The following NXN variants were observed in gnomAD, a reference collection of about 807,000 sequenced individuals.
NXN encodes nucleoredoxin 1.
NXN carries 16 observed loss-of-function variants against 48.6 expected under a neutral mutation model. That is an observed-to-expected ratio of 0.33 (90% CI 0.22 to 0.50). The LOEUF is 0.50. Ranked by LOEUF, NXN falls within the 20% of genes least tolerant of loss-of-function variation. The pLI is 0.98. For synonymous variants in NXN, 281 were observed against 269.6 expected (o/e 1.04, Z -0.41); for missense variants, 492 against 605.5 (o/e 0.81, Z 1.97).
rs114066150 is a variant in NXN, at chr17:835,530, T to C, written c.361-9452A>G. ...TGCTCCGCCTGGCAGTGGGTTCTGC[T>C]GAAAGACTCCAAGGCTGTGGTTGGA... On this transcript the variant is annotated intron_variant, in intron 1 of 7. Coordinates refer to ENST00000336868, the MANE Select transcript of NXN (RefSeq NM_022463.5). 8.7e-3 allele frequency among the ~76,000 whole-genome samples: 1,324 copies of C among 152,240 alleles called. 25 individuals are homozygous for C. Among genetic ancestry groups the C allele is most frequent in the African/African-American group, 0.031 (1,271 of 41,538 alleles).
At chr17:877,716 G>A (rs578079910) in intron 1 of NXN, among the ~76,000 whole-genome samples, 2 of 152,282 alleles carry the variant, frequency 1.3e-5, no homozygotes, top group East Asian at 1.9e-4. Context: ...CAAAATACTC[G>A]TTATTTTTAC....
At chr17:841,940 C>T (rs934274731) in intron 1 of NXN, among the ~76,000 whole-genome samples, 14 of 152,124 alleles carry the variant, frequency 9.2e-5, no homozygotes, top group Non-Finnish European at 1.8e-4. Context: ...AGTTGGAGGC[C>T]AGCCTGGTCA....
At chr17:954,063 G>A (rs553988990) in intron 1 of NXN, among the ~76,000 whole-genome samples, 4 of 152,310 alleles carry the variant, frequency 2.6e-5, no homozygotes, top group South Asian at 4.1e-4. Context: ...GATGATTCTT[G>A]AATAACTGGC....
intron 1 of NXN, chr17:959,266 C>G (rs1039733203): frequency 7.6e-6 from 4 of 523,054 alleles, no homozygotes; most frequent in Middle Eastern, 6.2e-4. Context: ...CCTTCCTTTC[C>G]CCTCCATGAC....
At chr17:867,528 A>G (rs575226621) in intron 1 of NXN, among the ~76,000 whole-genome samples, 1 of 152,342 alleles carries the variant, frequency 6.6e-6, no homozygotes, top group South Asian at 2.1e-4. Context: ...AATGACACGA[A>G]AAGTTTTTTC....
chr17:976,873 T>C (rs2069465987), intron 1 of NXN, among the ~76,000 whole-genome samples: 1 of 152,068 alleles, frequency 6.6e-6, no homozygotes, highest in Admixed American at 6.6e-5. Context: ...TTCAAGCGAT[T>C]CTCCTGCCTC....
intron 1 of NXN, among the ~76,000 whole-genome samples, chr17:855,292 A>G (rs955954718): frequency 6.6e-6 from 1 of 152,166 alleles, no homozygotes; most frequent in African/African-American, 2.4e-5. Context: ...AAATACATAA[A>G]TAATTCTCAT....
intron 1 of NXN, among the ~76,000 whole-genome samples, chr17:898,317 C>T (rs917435627): frequency 6.6e-6 from 1 of 152,190 alleles, no homozygotes; most frequent in African/African-American, 2.4e-5. Context: ...TCCATGCACT[C>T]TGCTCTCCTG....
At chr17:886,323 TTC>T (rs1326285107) in intron 1 of NXN, among the ~76,000 whole-genome samples, 1 of 152,050 alleles carries the variant, frequency 6.6e-6, no homozygotes, top group African/African-American at 2.4e-5. Flanking sequence ...AAGCAGAAGG[TTC>T]TCTAACATCC....
chr17:862,888 T>A (rs1183849644), intron 1 of NXN, among the ~76,000 whole-genome samples: 1 of 152,224 alleles, frequency 6.6e-6, no homozygotes, highest in Admixed American at 6.5e-5. Context: ...AGACCTATGC[T>A]CTAAACGTAT....
intron 1 of NXN, among the ~76,000 whole-genome samples, chr17:861,604 C>G (rs2068041369): frequency 6.6e-6 from 1 of 152,066 alleles, no homozygotes; most frequent in Non-Finnish European, 1.5e-5. Context: ...CCAAGCTGAG[C>G]CTGAACGTCT....
At chr17:971,208 A>G (rs563567371) in intron 1 of NXN, among the ~76,000 whole-genome samples, 2 of 152,076 alleles carry the variant, frequency 1.3e-5, no homozygotes, top group East Asian at 3.9e-4. Flanking sequence ...GGCTTCCCAC[A>G]GTGCTGGGAT....
At position 800,821 on chromosome 17, in the gene NXN, A is replaced by T; in HGVS notation, c.*128T>A. 1 of 539,344 alleles carries T rather than the reference A, an allele frequency of 1.9e-6. No homozygotes were observed. The highest frequency in any genetic ancestry group is 2.9e-6 in the Non-Finnish European group (1 of 340,588). The allele number at this position is 539,344 out of a possible 1,614,324, so 33.4% of individuals were successfully genotyped here. A position where few individuals can be genotyped will look rare whatever the true frequency, so the allele number is the denominator to read the frequency against. ...GAGGAGTTTACTGCAGAAACAAGGC[A>T]CCACAGAGAGGCTGGACACTTGGGT... On this transcript the variant is annotated 3_prime_UTR_variant, in exon 8 of 8. Transcript: ENST00000336868.
intron 1 of NXN, among the ~76,000 whole-genome samples, chr17:922,224 T>G (rs1441753975): frequency 2.0e-5 from 3 of 152,058 alleles, no homozygotes; most frequent in South Asian, 2.1e-4. Flanking sequence ...GGTGGATCAT[T>G]TGAGGCTGGG....
intron 1 of NXN, among the ~76,000 whole-genome samples, chr17:859,841 C>T (rs1010640933): frequency 2.0e-5 from 3 of 152,182 alleles, no homozygotes; most frequent in South Asian, 2.1e-4. Context: ...GGTGACTAAA[C>T]AACAGGCAAA....
In NXN at chr17:955,889, G is replaced by A. The variant is rs186129128; in HGVS notation, c.360+23430C>T. 5.6e-4 allele frequency among the ~76,000 whole-genome samples: 84 copies of A among 149,530 alleles called. 2 individuals are homozygous for A. The highest frequency in any genetic ancestry group is 4.6e-3 in the Admixed American group (69 of 14,986). ...TGCACTCCAGCCTGGGCGACAGAGC[G>A]AGACTCCATCTCAAAAAAAAAAAAG... On this transcript the variant is annotated intron_variant, in intron 1 of 7. Coordinates refer to ENST00000336868, the MANE Select transcript of NXN (RefSeq NM_022463.5).
intron 1 of NXN, among the ~76,000 whole-genome samples, chr17:967,467 A>C (rs2069320485): frequency 6.6e-6 from 1 of 152,224 alleles, no homozygotes; most frequent in Non-Finnish European, 1.5e-5. Context: ...CCCACAGGAA[A>C]CTCAGACCCT....
At chr17:938,399 C>T (rs965633302) in intron 1 of NXN, among the ~76,000 whole-genome samples, 9 of 152,292 alleles carry the variant, frequency 5.9e-5, no homozygotes, top group South Asian at 2.1e-4. Flanking sequence ...GTCCCCAGCC[C>T]GGCCGGGCGC....
chr17:940,997 T>A, intron 1 of NXN, among the ~76,000 whole-genome samples: 1 of 132,024 alleles, frequency 7.6e-6, no homozygotes, highest in Non-Finnish European at 1.6e-5. Flanking sequence ...TGAACTCACA[T>A]CACACCTTCC....
Sources: gnomAD v4.1 joint callset for allele counts (sites outside exome capture counted in the v4.1 genomes callset) on GRCh38, gnomAD v4.1.1 for gene constraint, MANE v1.5 for transcripts, NCBI Gene and HGNC (gene_info 2026-07-23, HGNC 2026-07-21) for gene names.